The following RORA variants were observed in gnomAD, a reference collection of about 807,000 sequenced individuals.
The protein encoded by RORA is nuclear receptor ROR-alpha.
In RORA, 7 loss-of-function variants were observed where a neutral mutation model predicts 69.5. The ratio of observed to expected loss-of-function variants is 0.10; its 90% CI spans 0.06 to 0.19. The LOEUF (loss-of-function observed/expected upper bound fraction) is 0.19, where lower values mean the gene tolerates loss of function less well. Among genes scored for constraint, RORA ranks in the 10% least tolerant of loss-of-function variants. The probability of loss-of-function intolerance (pLI) is 1.00; values close to 1 mark genes in which losing one functional copy is unlikely to be tolerated. For missense variants in RORA, 457 were observed against 663.0 expected (o/e 0.69, Z 3.41); for synonymous variants, 261 against 240.8 (o/e 1.08, Z -0.78).
intron 1 of RORA, among the ~76,000 whole-genome samples, chr15:60,853,434 G>A (rs1036199094): frequency 6.6e-6 from 1 of 152,226 alleles, no homozygotes; most frequent in Non-Finnish European, 1.5e-5. Flanking sequence ...GTTCCATGAA[G>A]CAGAGTCACA....
chr15:60,853,761 G>A (rs537592755), intron 1 of RORA, among the ~76,000 whole-genome samples: 1 of 152,302 alleles, frequency 6.6e-6, no homozygotes, highest in Non-Finnish European at 1.5e-5. Context: ...GGAAGAACTG[G>A]AAGAACACTG....
chr15:61,010,883 A>C (rs1212205429), intron 1 of RORA, among the ~76,000 whole-genome samples: 2 of 152,138 alleles, frequency 1.3e-5, no homozygotes, highest in Non-Finnish European at 2.9e-5. Context: ...TACATCAATG[A>C]GCCTGGTTCC....
intron 1 of RORA, among the ~76,000 whole-genome samples, chr15:60,900,395 T>C (rs952356305): frequency 1.3e-5 from 2 of 152,228 alleles, no homozygotes; most frequent in African/African-American, 4.8e-5. Context: ...TCTACATTGA[T>C]GTTGAAAAAT....
intron 2 of RORA, among the ~76,000 whole-genome samples, chr15:60,614,017 T>C (rs1466194256): frequency 6.6e-6 from 1 of 152,006 alleles, no homozygotes; most frequent in Non-Finnish European, 1.5e-5. Context: ...ACATATATGA[T>C]AAAAAATGAA....
chr15:61,062,887 T>A (rs543465627), intron 1 of RORA, among the ~76,000 whole-genome samples: 1 of 152,304 alleles, frequency 6.6e-6, no homozygotes, highest in South Asian at 2.1e-4. Flanking sequence ...GAATAAGGCA[T>A]CCCACTTCAC....
At chr15:60,664,013 A>T (rs2070344766) in intron 2 of RORA, among the ~76,000 whole-genome samples, 1 of 152,330 alleles carries the variant, frequency 6.6e-6, no homozygotes, top group African/African-American at 2.4e-5. Flanking sequence ...CATTTTGTTC[A>T]TTAGAAATCT....
At chr15:60,866,443 A>G (rs2073487702) in intron 1 of RORA, among the ~76,000 whole-genome samples, 1 of 152,244 alleles carries the variant, frequency 6.6e-6, no homozygotes, top group Non-Finnish European at 1.5e-5. Flanking sequence ...AAGGGATAAG[A>G]GAATGAAGGC....
chr15:60,783,152 A>G (rs2072287428), intron 1 of RORA, among the ~76,000 whole-genome samples: 2 of 152,226 alleles, frequency 1.3e-5, no homozygotes, highest in Non-Finnish European at 2.9e-5. Context: ...AGTAAAAAAA[A>G]GAAATCAAAC....
chr15:60,994,717 A>G (rs1048403683), intron 1 of RORA, among the ~76,000 whole-genome samples: 1 of 152,206 alleles, frequency 6.6e-6, no homozygotes, highest in Non-Finnish European at 1.5e-5. Context: ...GGATGGTGAG[A>G]GGGCACTGTA....
At chr15:60,963,538 C>T (rs1419572716) in intron 1 of RORA, among the ~76,000 whole-genome samples, 1 of 152,162 alleles carries the variant, frequency 6.6e-6, no homozygotes. Flanking sequence ...TAGGTTGTGG[C>T]CCCTTGGCCT....
chr15:60,649,054 G>T (rs1396248363), intron 2 of RORA, among the ~76,000 whole-genome samples: 2 of 152,128 alleles, frequency 1.3e-5, no homozygotes, highest in African/African-American at 4.8e-5. Flanking sequence ...CGATAAGGCT[G>T]CCAAGTTCAA....
intron 2 of RORA, among the ~76,000 whole-genome samples, chr15:60,631,460 T>A (rs1487690224): frequency 2.6e-5 from 4 of 152,218 alleles, no homozygotes; most frequent in Admixed American, 6.5e-5. Flanking sequence ...AATCTCCAGC[T>A]CATATCAATT....
chr15:61,009,579 TAATG>T (rs1895026294), intron 1 of RORA, among the ~76,000 whole-genome samples: 1 of 152,228 alleles, frequency 6.6e-6, no homozygotes, highest in Non-Finnish European at 1.5e-5. Flanking sequence ...TAGATCGTCT[TAATG>T]AAGCTGTTAA....
At chr15:61,049,051 C>A (rs909489213) in intron 1 of RORA, among the ~76,000 whole-genome samples, 2 of 152,166 alleles carry the variant, frequency 1.3e-5, no homozygotes, top group Non-Finnish European at 2.9e-5. Flanking sequence ...CATCTGAACA[C>A]CCTCGTGTCC....
chr15:61,165,005 T>C (rs565996625), intron 1 of RORA, among the ~76,000 whole-genome samples: 1 of 152,198 alleles, frequency 6.6e-6, no homozygotes, highest in Admixed American at 6.5e-5. Context: ...CCTACCCCTC[T>C]CCTGTGGCTC....
Position 60,578,765 on chromosome 15 carries a change from CT to C in RORA, c.197-46915del, listed in dbSNP as rs768047660. On this transcript the variant is annotated intron_variant, in intron 2 of 10. Coordinates refer to ENST00000335670, the MANE Select transcript of RORA (RefSeq NM_134261.3). ...TCATCAAGCACATTCTTAAATGAAA[CT>C]TTTTTTTTTTTTTTTGAGACAGAGT... Among the ~76,000 whole-genome samples the C allele has an allele frequency of 3.9e-3, 546 of 138,750 alleles. 2 individuals are homozygous for C. The highest frequency in any genetic ancestry group is 6.5e-3 in the African/African-American group (246 of 37,858). 91.0% of individuals were successfully genotyped at this position (138,750 alleles called of 152,430 possible).
chr15:61,152,480 CATAT>C (rs1334998981), intron 1 of RORA, among the ~76,000 whole-genome samples: 3 of 148,526 alleles, frequency 2.0e-5, no homozygotes, highest in Non-Finnish European at 4.5e-5. Context: ...GTTACATAAT[CATAT>C]ATATTATAAA....
intron 1 of RORA, among the ~76,000 whole-genome samples, chr15:60,790,082 G>A (rs1468781106): frequency 1.3e-5 from 2 of 152,178 alleles, no homozygotes; most frequent in African/African-American, 4.8e-5. Flanking sequence ...AATACCCCAA[G>A]TGAAAAGACA....
At chr15:60,532,773 G>A (rs2066564916) in intron 2 of RORA, among the ~76,000 whole-genome samples, 1 of 152,144 alleles carries the variant, frequency 6.6e-6, no homozygotes, top group African/African-American at 2.4e-5. Flanking sequence ...GTATAGACAG[G>A]ATGGGAACAG....
Sources: gnomAD v4.1 joint callset for allele counts (sites outside exome capture counted in the v4.1 genomes callset) on GRCh38, gnomAD v4.1.1 for gene constraint, MANE v1.5 for transcripts, NCBI Gene and HGNC (gene_info 2026-07-23, HGNC 2026-07-21) for gene names.